The following CASQ2 variants were observed in gnomAD, a reference collection of about 807,000 sequenced individuals.
The protein encoded by CASQ2 is calsequestrin 2.
In CASQ2, 49 loss-of-function variants were observed where a neutral mutation model predicts 46.5. That is an observed-to-expected ratio of 1.05 (90% confidence interval 0.84 to 1.34). CASQ2 has a LOEUF of 1.34. CASQ2 is among the 40% of genes most tolerant of loss of function. CASQ2 has a pLI of 0.00. For missense variants in CASQ2, 486 were observed against 481.3 expected (o/e 1.01, Z -0.09); for synonymous variants, 174 against 168.5 (o/e 1.03, Z -0.25).
intron 7 of CASQ2, among the ~76,000 whole-genome samples, chr1:115,718,338 G>C (rs1647245197): frequency 6.6e-6 from 1 of 152,160 alleles, no homozygotes; most frequent in Non-Finnish European, 1.5e-5. Flanking sequence ...ATTTACCACT[G>C]GCAGATAGAG....
chr1:115,740,699 A>C, intron 3 of CASQ2, 29 bp downstream of exon 3: 1 of 1,374,936 alleles, frequency 7.3e-7, no homozygotes, highest in Non-Finnish European at 1.0e-6. Context: ...AGGCAGCTCC[A>C]TGCAGGGTCA....
intron 8 of CASQ2, among the ~76,000 whole-genome samples, chr1:115,710,939 T>G (rs974093766): frequency 1.3e-5 from 2 of 152,154 alleles, no homozygotes; most frequent in African/African-American, 4.8e-5. Flanking sequence ...TGGCAGGGAC[T>G]GGTGGGAATG....
chr1:115,757,798 T>G (rs925491048), intron 1 of CASQ2, among the ~76,000 whole-genome samples: 1 of 152,228 alleles, frequency 6.6e-6, no homozygotes, highest in Non-Finnish European at 1.5e-5. Context: ...ATTCAACCTC[T>G]TTACAATTGT....
At chr1:115,713,269 C>T (rs770697059) in intron 8 of CASQ2, among the ~76,000 whole-genome samples, 15 of 152,320 alleles carry the variant, frequency 9.8e-5, no homozygotes, top group African/African-American at 1.4e-4. Context: ...ACCTGTCAGA[C>T]GAGCGGCTCT....
At chr1:115,703,441 G>A (rs946440991) in intron 9 of CASQ2, among the ~76,000 whole-genome samples, 3 of 152,032 alleles carry the variant, frequency 2.0e-5, no homozygotes, top group Non-Finnish European at 4.4e-5. Context: ...ACTCCATGTG[G>A]ACAAATCTCT....
At chr1:115,743,780 C>A (rs1648281450) in intron 2 of CASQ2, among the ~76,000 whole-genome samples, 1 of 149,918 alleles carries the variant, frequency 6.7e-6, no homozygotes, top group East Asian at 2.0e-4. Context: ...TTTTTAATAG[C>A]CATTCTTCAC....
chr1:115,727,908 G>C (rs1251963697), intron 5 of CASQ2, among the ~76,000 whole-genome samples: 1 of 152,236 alleles, frequency 6.6e-6, no homozygotes, highest in East Asian at 1.9e-4. Flanking sequence ...CACATGTTCA[G>C]TGTGTTGTCA....
intron 7 of CASQ2, among the ~76,000 whole-genome samples, chr1:115,721,798 T>C (rs908215030): frequency 2.0e-5 from 3 of 152,204 alleles, no homozygotes; most frequent in African/African-American, 4.8e-5. Flanking sequence ...CTCGAATTCC[T>C]TGACTCAAAC....
chr1:115,761,132 C>T (rs1485179068), intron 1 of CASQ2, among the ~76,000 whole-genome samples: 1 of 151,622 alleles, frequency 6.6e-6, no homozygotes, highest in Non-Finnish European at 1.5e-5. Flanking sequence ...AGTTCAGGTG[C>T]TCGGCTCTCA....
chr1:115,725,624 G>T (rs910067612), intron 6 of CASQ2, 71 bp from the exon 7 acceptor site: 6 of 1,534,090 alleles, frequency 3.9e-6, no homozygotes, highest in Non-Finnish European at 5.3e-6. Context: ...AGACACAGCA[G>T]CCACAGCATT....
In CASQ2 at chr1:115,733,230, G is replaced by A. The variant is rs756614463; in HGVS notation, c.533-256C>T. ...TTTATGAACTGCAGGTAGAAAGCAC[G>A]AAACAGAGGGAACCGGGAGGAAAAG... On this transcript the variant is annotated intron_variant, in intron 4 of 10. Transcript: ENST00000261448. 3.3e-5 allele frequency among the ~76,000 whole-genome samples: 5 copies of A among 152,228 alleles called. No individual in the cohort carries two copies. The East Asian group carries it at 7.7e-4, about 24-fold the overall frequency.
chr1:115,744,810 C>T lies in CASQ2; in HGVS notation c.319+18G>A, dbSNP rs757103068. 3.2e-5 allele frequency: 51 copies of T among 1,576,910 alleles called. No individual in the cohort carries two copies. The highest frequency in any genetic ancestry group is 4.4e-5 in the Non-Finnish European group (51 of 1,146,400). On this transcript the variant is annotated intron_variant, in intron 2 of 10. Transcript: ENST00000261448. Reference sequence around the variant, plus strand: ...TTCGTTTCTTTCCCACATACAGTATCTCAAAAATCACACTTACCCAGTTTC... The same window carrying T: ...TTCGTTTCTTTCCCACATACAGTATTTCAAAAATCACACTTACCCAGTTTC...
At chr1:115,720,011 A>G (rs1647314027) in intron 7 of CASQ2, among the ~76,000 whole-genome samples, 1 of 152,292 alleles carries the variant, frequency 6.6e-6, no homozygotes, top group Middle Eastern at 3.4e-3. Flanking sequence ...TAAGTACATT[A>G]TCTCAAAATC....
At chr1:115,730,473 T>C (rs1472739099) in intron 5 of CASQ2, among the ~76,000 whole-genome samples, 1 of 152,202 alleles carries the variant, frequency 6.6e-6, no homozygotes, top group Non-Finnish European at 1.5e-5. Flanking sequence ...GCCTGGCACA[T>C]AAAGGGCACT....
At position 115,744,736 on chromosome 1, in the gene CASQ2, C is replaced by T. The variant is rs28730718; in HGVS notation, c.319+92G>A. 1.8e-3 allele frequency: 1,473 copies of T among 816,896 alleles called. 11 individuals are homozygous for T. In the African/African-American group the frequency reaches 0.021, roughly 12 times the overall value. The allele number at this position is 816,896 out of a possible 1,614,324, so 50.6% of individuals were successfully genotyped here. A position where few individuals can be genotyped will look rare whatever the true frequency, so the allele number is the denominator to read the frequency against. ...ATTTTATATATTTTAAAAGATAGTC[C>T]GCTTATGCAAGAATAATTGCAACTG... is the stretch of plus-strand genomic sequence containing the variant. On this transcript the variant is annotated intron_variant, in intron 2 of 10. Coordinates refer to ENST00000261448, the MANE Select transcript of CASQ2 (RefSeq NM_001232.4).
At chr1:115,707,551 C>T (rs916377801) in intron 8 of CASQ2, among the ~76,000 whole-genome samples, 13 of 152,126 alleles carry the variant, frequency 8.5e-5, no homozygotes, top group African/African-American at 3.1e-4. Flanking sequence ...CTGAGAAGGT[C>T]CTGCCCCTCC....
At chr1:115,721,324 A>T (rs1647368484) in intron 7 of CASQ2, among the ~76,000 whole-genome samples, 1 of 152,042 alleles carries the variant, frequency 6.6e-6, no homozygotes, top group Non-Finnish European at 1.5e-5. Flanking sequence ...CCTCAGCTTG[A>T]CATTCTTTGA....
chr1:115,746,766 A>G (rs1451031709), intron 1 of CASQ2, among the ~76,000 whole-genome samples: 1 of 151,856 alleles, frequency 6.6e-6, no homozygotes, highest in Non-Finnish European at 1.5e-5. Context: ...TTTACTCTGT[A>G]TGTGTGTTAT....
At chr1:115,705,059 A>G in intron 9 of CASQ2, 133 bp downstream of exon 9, 1 of 738,370 alleles carries the variant, frequency 1.4e-6, no homozygotes, top group Non-Finnish European at 2.5e-6. Flanking sequence ...AAGGGCCAAG[A>G]CCTCCCACAC....
Sources: gnomAD v4.1 joint callset for allele counts (sites outside exome capture counted in the v4.1 genomes callset) on GRCh38, gnomAD v4.1.1 for gene constraint, MANE v1.5 for transcripts, NCBI Gene and HGNC (gene_info 2026-07-23, HGNC 2026-07-21) for gene names.